PRRC2B: variants seen among roughly 807,000 people sequenced by gnomAD.
PRRC2B encodes proline rich coiled-coil 2B.
In PRRC2B, 68 loss-of-function variants were observed where a neutral mutation model predicts 242.3. That is an observed-to-expected ratio of 0.28 (90% CI 0.23 to 0.34). PRRC2B has a LOEUF of 0.34. PRRC2B is among the 10% of genes least tolerant of loss of function. The pLI is 1.00. For missense variants in PRRC2B, 2,835 were observed against 2,954.8 expected (o/e 0.96, Z 0.94); for synonymous variants, 1,228 against 1,173.6 (o/e 1.05, Z -0.95).
chr9:131,486,483 A>T (rs1944028911), intron 26 of PRRC2B: 1 of 985,274 alleles, frequency 1.0e-6, no homozygotes, highest in Non-Finnish European at 1.2e-6. Flanking sequence ...GTGATCAGGT[A>T]TCCTTCTGAT....
chr9:131,432,585 A>G (rs369640001), intron 2 of PRRC2B, 32 bp from the exon 3 acceptor site: 40 of 1,592,308 alleles, frequency 2.5e-5, no homozygotes, highest in Non-Finnish European at 3.3e-5. Context: ...ACCTTTTTGC[A>G]TGGTGTCTGT....
rs180932322 is a variant in PRRC2B, at chr9:131,452,174, G to T, written c.1121-2902G>T. 7.2e-5 allele frequency among the ~76,000 whole-genome samples: 11 copies of T among 152,080 alleles called. No homozygotes were observed. The South Asian group carries it at 8.3e-4, about 12-fold the overall frequency. ...CTTTTTCTTTCTTTTTTGAGACAGG[G>T]TCTCTCTCACTTTGTCACCCAGGCT... is the stretch of plus-strand genomic sequence containing the variant. On this transcript the variant is annotated intron_variant, in intron 9 of 31. Transcript: ENST00000683519.
In PRRC2B at chr9:131,486,101, C is replaced by A. The variant is rs756076893; in HGVS notation, c.5775C>A (p.Pro1925=). The A allele has an allele frequency of 5.6e-6, 9 of 1,612,500 alleles. No individual in the cohort carries two copies. The African/African-American group carries it at 1.1e-4, about 19-fold the overall frequency. ...TGTTTCCAGGCAGCCACCTCCCGCCCCTGTACCTGGATGGCCATGTGTTTG... is the reference window on the plus strand; with the variant it reads ...TGTTTCCAGGCAGCCACCTCCCGCCACTGTACCTGGATGGCCATGTGTTTG... ...SASMPGSHLP[P]LYLDGHVFAS... Residue 1925 remains proline (P), a synonymous_variant, in exon 26 of 32, where the codon CCC becomes CCA. Transcript: ENST00000683519.
At chr9:131,392,892 C>A (rs1271894124), upstream of PRRC2B, among the ~76,000 whole-genome samples, 4 of 148,578 alleles carry the variant, frequency 2.7e-5, no homozygotes, top group Non-Finnish European at 5.9e-5. Flanking sequence ...TGCACTCCAG[C>A]CTGGGGGACA....
At chr9:131,445,945 C>G (rs780144900) in intron 6 of PRRC2B, among the ~76,000 whole-genome samples, 2 of 152,200 alleles carry the variant, frequency 1.3e-5, no homozygotes, top group Non-Finnish European at 2.9e-5. Flanking sequence ...GCTGGGGGAT[C>G]TTTATTAAAA....
At chr9:131,431,423 C>A (rs1437492256) in intron 2 of PRRC2B, among the ~76,000 whole-genome samples, 1 of 151,902 alleles carries the variant, frequency 6.6e-6, no homozygotes, top group African/African-American at 2.4e-5. Flanking sequence ...AGCCACCGTG[C>A]CCAGCCTAAT....
rs886401387 is a variant in PRRC2B, at chr9:131,394,252, GA to G, written c.-61del. The G allele has an allele frequency of 7.4e-5, 11 of 147,684 alleles. No individual in the cohort carries two copies. Among genetic ancestry groups the G allele is most frequent in the Admixed American group, 2.0e-4 (3 of 14,802 alleles). 9.1% of individuals were successfully genotyped at this position (147,684 alleles called of 1,614,324 possible). ...ATCGCCCGGCCCGGCCGCGCCCGCG[GA>G]ACCAGACCAGGTGGGTCGGGGCCGG... On this transcript the variant is annotated 5_prime_UTR_variant, in exon 1 of 32. Transcript: ENST00000683519.
At chr9:131,405,546 C>T (rs1455849199) in intron 1 of PRRC2B, among the ~76,000 whole-genome samples, 1 of 152,150 alleles carries the variant, frequency 6.6e-6, no homozygotes, top group Non-Finnish European at 1.5e-5. Flanking sequence ...CTTGCCACCC[C>T]TCCTGCCCCC....
At chr9:131,393,648 G>A (rs1836943721), upstream of PRRC2B, among the ~76,000 whole-genome samples, 1 of 152,248 alleles carries the variant, frequency 6.6e-6, no homozygotes, top group Non-Finnish European at 1.5e-5. Context: ...CAGTTTTGAA[G>A]GGGGAGGGGG....
intron 13 of PRRC2B, 63 bp from the exon 14 acceptor site, chr9:131,470,725 T>G: frequency 7.2e-7 from 1 of 1,389,522 alleles, no homozygotes; most frequent in Non-Finnish European, 1.0e-6. Flanking sequence ...AGGGCGTGTG[T>G]TGGGTGGCAT....
rs777726630 is a variant in PRRC2B, at chr9:131,439,869, G to A, written c.469+808G>A. On this transcript the variant is annotated intron_variant, in intron 5 of 31. Transcript: ENST00000683519. ...CCACCTCAGCTTCCTGAGTAGCTGG[G>A]ACTACAGGTGTGTACCACGACATCT... 3.5e-4 allele frequency among the ~76,000 whole-genome samples: 53 copies of A among 151,608 alleles called. 1 individual carries two copies. The highest frequency in any genetic ancestry group is 6.6e-4 in the Admixed American group (10 of 15,164).
intron 1 of PRRC2B, among the ~76,000 whole-genome samples, chr9:131,383,044 C>T (rs1836781481): frequency 6.6e-6 from 1 of 152,146 alleles, no homozygotes; most frequent in Admixed American, 6.6e-5. Context: ...CTCAGACACT[C>T]CCATCCCCAG....
rs371121586 is a variant in PRRC2B at position 131,485,040 on chromosome 9, C to T, written c.5658C>T (p.Ser1886=). ...CTGGCTCAGGCATCCAGCCTCCATCCTCTGTGGGTGCCTCCAGCGGGGTCA... is the reference window on the plus strand; with the variant it reads ...CTGGCTCAGGCATCCAGCCTCCATCTTCTGTGGGTGCCTCCAGCGGGGTCA... ...GGAGSGIQPP[S]SVGASSGVNY... is the part of the protein sequence containing the mutation. The change falls in exon 25 of 32, where the codon TCC becomes TCT. Residue 1886 remains serine, a synonymous_variant. Transcript: ENST00000683519. 3.1e-6 allele frequency: 5 copies of T among 1,611,988 alleles called. No homozygotes were observed. The African/African-American group carries it at 5.3e-5, about 17-fold the overall frequency.
At chr9:131,469,845 G>A (rs925452207) in intron 13 of PRRC2B, among the ~76,000 whole-genome samples, 6 of 152,184 alleles carry the variant, frequency 3.9e-5, no homozygotes, top group African/African-American at 1.4e-4. Context: ...CAAATGTTCT[G>A]TATCCTGAGT....
At chr9:131,433,755 C>A (rs1838254045) in intron 3 of PRRC2B, among the ~76,000 whole-genome samples, 1 of 152,230 alleles carries the variant, frequency 6.6e-6, no homozygotes, top group South Asian at 2.1e-4. Context: ...CTGACCCCAG[C>A]ATCCTTTTCT....
rs571250050 is a variant in PRRC2B at position 131,476,792 on chromosome 9, C to A, written c.4406+257C>A. Among the ~76,000 whole-genome samples the A allele has an allele frequency of 1.3e-4, 20 of 149,748 alleles. No individual in the cohort carries two copies. The South Asian group carries it at 4.4e-3, about 33-fold the overall frequency. On this transcript the variant is annotated intron_variant, in intron 16 of 31. Coordinates refer to ENST00000683519, the MANE Select transcript of PRRC2B (RefSeq NM_013318.4). ...ACTGTCCAGCACCTGACCTGAGAGT[C>A]CAGTCATGTGTCCCTGGAGCCCCGC... is the stretch of plus-strand genomic sequence containing the variant.
chr9:131,477,684 A>G, intron 16 of PRRC2B, 60 bp from the exon 17 acceptor site: 1 of 1,005,508 alleles, frequency 9.9e-7, no homozygotes, highest in Non-Finnish European at 1.5e-6. Context: ...GGCTGTGTGC[A>G]CGTGCGGTGT....
Position 131,482,635 on chromosome 9 carries a change from T to C in PRRC2B, c.5175+73T>C. 2 of 1,524,154 alleles carry C rather than the reference T, an allele frequency of 1.3e-6. No homozygotes were observed. The highest frequency in any genetic ancestry group is 8.8e-7 in the Non-Finnish European group (1 of 1,132,328). The allele number at this position is 1,524,154 out of a possible 1,614,324, so 94.4% of individuals were successfully genotyped here. On this transcript the variant is annotated intron_variant, in intron 21 of 31. Transcript: ENST00000683519. The surrounding 1 kb of genome is among the most constrained non-coding windows in gnomAD (Gnocchi z 5.2). Reference sequence around the variant, plus strand: ...GCCATCGTCTCATCATCTTCCTCAATTCCTGGGACAGTAGAAGCTAGAGAG... The same window carrying C: ...GCCATCGTCTCATCATCTTCCTCAACTCCTGGGACAGTAGAAGCTAGAGAG...
At chr9:131,408,205 T>C (rs970142500) in intron 1 of PRRC2B, among the ~76,000 whole-genome samples, 3 of 152,310 alleles carry the variant, frequency 2.0e-5, no homozygotes, top group Non-Finnish European at 1.5e-5. Context: ...TAATGAGAGG[T>C]CTCGGGCCTT....
Sources: gnomAD v4.1 joint callset for allele counts (sites outside exome capture counted in the v4.1 genomes callset) on GRCh38, gnomAD v4.1.1 for gene constraint, Gnocchi (gnomAD v3.1) non-coding constraint, MANE v1.5 for transcripts, NCBI Gene and HGNC (gene_info 2026-07-23, HGNC 2026-07-21) for gene names.